HS6ST3: variants seen among roughly 807,000 people sequenced by gnomAD.
HS6ST3 encodes heparan-sulfate 6-O-sulfotransferase 3.
Under a neutral mutation model 36.7 loss-of-function variants are expected in HS6ST3, and 12 were observed. That is an observed-to-expected ratio of 0.33 (90% confidence interval 0.21 to 0.53). HS6ST3 has a LOEUF of 0.53. HS6ST3 is among the 20% of genes least tolerant of loss of function. The pLI is 0.95. For synonymous variants in HS6ST3, 240 were observed against 257.5 expected (o/e 0.93, Z 0.65); for missense variants, 584 against 640.9 (o/e 0.91, Z 0.96).
chr13:96,463,784 GAA>G (rs1037156748), intron 1 of HS6ST3, among the ~76,000 whole-genome samples: 2 of 151,728 alleles, frequency 1.3e-5, no homozygotes, highest in African/African-American at 4.8e-5. Flanking sequence ...ATAAACACAA[GAA>G]AAAAGGAACA....
chr13:96,773,181 A>T (rs1272752013), intron 1 of HS6ST3, among the ~76,000 whole-genome samples: 1 of 152,338 alleles, frequency 6.6e-6, no homozygotes, highest in African/African-American at 2.4e-5. Context: ...AGACCAGGAG[A>T]TTCCTTTGGG....
In HS6ST3 at chr13:96,130,695, A is replaced by T. The variant is rs72638031; in HGVS notation, c.707+39126A>T. On this transcript the variant is annotated intron_variant, in intron 1 of 1. Transcript: ENST00000376705. ...CAAATCTGCATTCATTATTGGCCCTATTGGTTAAGCCTTGGGCTTTTCAGT... is the reference window on the plus strand; with the variant it reads ...CAAATCTGCATTCATTATTGGCCCTTTTGGTTAAGCCTTGGGCTTTTCAGT... 4.6e-5 allele frequency among the ~76,000 whole-genome samples: 7 copies of T among 152,196 alleles called. No homozygotes were observed. In the East Asian group the frequency reaches 1.4e-3, roughly 29 times the overall value.
At chr13:96,190,062 A>G (rs1053398096) in intron 1 of HS6ST3, among the ~76,000 whole-genome samples, 1 of 152,222 alleles carries the variant, frequency 6.6e-6, no homozygotes, top group African/African-American at 2.4e-5. Context: ...TTATTGAACC[A>G]TGTAGTAGGC....
intron 1 of HS6ST3, among the ~76,000 whole-genome samples, chr13:96,296,934 A>G (rs2054857669): frequency 6.6e-6 from 1 of 152,048 alleles, no homozygotes. Context: ...CCCACAAACT[A>G]GTTTTGTGGT....
At chr13:96,487,816 G>T (rs974726593) in intron 1 of HS6ST3, among the ~76,000 whole-genome samples, 1 of 152,054 alleles carries the variant, frequency 6.6e-6, no homozygotes, top group Non-Finnish European at 1.5e-5. Context: ...TGACTTAAGG[G>T]TTCCTGCAAC....
At chr13:96,286,836 C>T (rs571832601) in intron 1 of HS6ST3, among the ~76,000 whole-genome samples, 2 of 152,054 alleles carry the variant, frequency 1.3e-5, no homozygotes, top group Non-Finnish European at 2.9e-5. Context: ...CAGACACTTA[C>T]CCTTAATTAT....
intron 1 of HS6ST3, among the ~76,000 whole-genome samples, chr13:96,122,008 C>T (rs1267544692): frequency 6.6e-6 from 1 of 152,020 alleles, no homozygotes; most frequent in Non-Finnish European, 1.5e-5. Flanking sequence ...TTTACTCTTA[C>T]TTTTTCAATA....
intron 1 of HS6ST3, among the ~76,000 whole-genome samples, chr13:96,672,738 A>G (rs141859076): frequency 1.6e-4 from 25 of 152,306 alleles, no homozygotes; most frequent in African/African-American, 5.1e-4. Flanking sequence ...TTACCCTTGT[A>G]AATAACTGAT....
At chr13:96,138,272 T>G (rs571443775) in intron 1 of HS6ST3, among the ~76,000 whole-genome samples, 12 of 152,128 alleles carry the variant, frequency 7.9e-5, no homozygotes, top group Admixed American at 6.5e-4. Flanking sequence ...TGTTATCACT[T>G]TATACTAGCT....
chr13:96,645,223 C>T (rs149430786), intron 1 of HS6ST3, among the ~76,000 whole-genome samples: 1 of 151,874 alleles, frequency 6.6e-6, no homozygotes, highest in East Asian at 1.9e-4. Flanking sequence ...GTACTAAAGC[C>T]AGTTGTGTTC....
intron 1 of HS6ST3, among the ~76,000 whole-genome samples, chr13:96,675,446 A>G (rs143503084): frequency 1.3e-5 from 2 of 151,998 alleles, no homozygotes; most frequent in African/African-American, 4.8e-5. Flanking sequence ...ATATAAAAAG[A>G]TATATTTATT....
chr13:96,166,571 C>CTTTCTTTTTTTT (rs2139331817), intron 1 of HS6ST3, among the ~76,000 whole-genome samples: 1 of 140,546 alleles, frequency 7.1e-6, no homozygotes, highest in African/African-American at 2.7e-5. Context: ...TTCTTTCTTT[C>CTTTCTTTTTTTT]TTTCTTTTTT....
At chr13:96,436,184 T>G (rs879488168) in intron 1 of HS6ST3, among the ~76,000 whole-genome samples, 10 of 152,206 alleles carry the variant, frequency 6.6e-5, no homozygotes, top group Admixed American at 3.3e-4. Context: ...AGAAAAAGTC[T>G]TTTCACCAAA....
intron 1 of HS6ST3, among the ~76,000 whole-genome samples, chr13:96,155,266 C>A (rs940264777): frequency 6.6e-6 from 1 of 152,076 alleles, no homozygotes; most frequent in Non-Finnish European, 1.5e-5. Flanking sequence ...GAGGTGGTAT[C>A]ATGATTCTAT....
intron 1 of HS6ST3, among the ~76,000 whole-genome samples, chr13:96,362,441 C>T (rs534028305): frequency 1.1e-4 from 17 of 152,228 alleles, no homozygotes; most frequent in South Asian, 6.2e-4. Flanking sequence ...GACTCAAACA[C>T]GTACAATCTT....
chr13:96,326,022 A>G (rs1446085174), intron 1 of HS6ST3, among the ~76,000 whole-genome samples: 2 of 152,158 alleles, frequency 1.3e-5, no homozygotes, highest in East Asian at 3.9e-4. Flanking sequence ...CCTAGTGATA[A>G]TGAACTTGGA....
At chr13:96,430,491 G>A (rs1195602578) in intron 1 of HS6ST3, among the ~76,000 whole-genome samples, 1 of 152,144 alleles carries the variant, frequency 6.6e-6, no homozygotes, top group Non-Finnish European at 1.5e-5. Context: ...AGCTGACCTC[G>A]AGCTCTCCTG....
At chr13:96,805,942 T>C (rs1300672831) in intron 1 of HS6ST3, among the ~76,000 whole-genome samples, 1 of 152,218 alleles carries the variant, frequency 6.6e-6, no homozygotes, top group African/African-American at 2.4e-5. Flanking sequence ...TGCAGGACTC[T>C]AATGCTCTGG....
At chr13:96,539,392 G>A (rs903143197) in intron 1 of HS6ST3, among the ~76,000 whole-genome samples, 2 of 151,510 alleles carry the variant, frequency 1.3e-5, no homozygotes, top group Non-Finnish European at 2.9e-5. Flanking sequence ...GTCTCACACT[G>A]TTACCCAGGC....
Sources: gnomAD v4.1 joint callset for allele counts (sites outside exome capture counted in the v4.1 genomes callset) on GRCh38, gnomAD v4.1.1 for gene constraint, MANE v1.5 for transcripts, NCBI Gene and HGNC (gene_info 2026-07-23, HGNC 2026-07-21) for gene names.